The following GRIK4 variants were observed in gnomAD, a reference collection of about 807,000 sequenced individuals.
The protein encoded by GRIK4 is glutamate ionotropic receptor kainate type subunit 4.
Under a neutral mutation model 104.9 loss-of-function variants are expected in GRIK4, and 40 were observed. That is an observed-to-expected ratio of 0.38 (90% confidence interval 0.30 to 0.50). The LOEUF (loss-of-function observed/expected upper bound fraction) is 0.50. Ranked by LOEUF, GRIK4 falls within the 20% of genes least tolerant of loss-of-function variation. The pLI, the probability that GRIK4 is intolerant of heterozygous loss-of-function variation, is 0.93. For synonymous variants in GRIK4, 485 were observed against 524.9 expected (o/e 0.92, Z 1.04); for missense variants, 1,047 against 1,308.1 (o/e 0.80, Z 3.08).
chr11:120,920,369 A>T (rs900780092), intron 13 of GRIK4, among the ~76,000 whole-genome samples: 5 of 151,864 alleles, frequency 3.3e-5, no homozygotes, highest in African/African-American at 4.8e-5. Flanking sequence ...CCTCAGCCTC[A>T]CCCACCTCGG....
intron 8 of GRIK4, among the ~76,000 whole-genome samples, chr11:120,838,056 C>G (rs564727066): frequency 1.3e-5 from 2 of 152,258 alleles, no homozygotes; most frequent in Non-Finnish European, 2.9e-5. Context: ...GGACAGTCAC[C>G]GGAATGAGGT....
chr11:120,673,643 C>A (rs61902671), intron 3 of GRIK4, among the ~76,000 whole-genome samples: 23,659 of 152,216 alleles, frequency 0.16, 2,004 homozygotes, highest in South Asian at 0.23. Context: ...AAGTCTTCTC[C>A]TCAGGTCTGA....
At chr11:120,773,313 A>G (rs1045608399) in intron 3 of GRIK4, among the ~76,000 whole-genome samples, 2 of 152,264 alleles carry the variant, frequency 1.3e-5, no homozygotes, top group Admixed American at 1.3e-4. Context: ...ACAAATAATT[A>G]AAATACAGCA....
chr11:120,957,591 A>ATGTGTGTGTGTGTGTG (rs72064502), intron 16 of GRIK4, among the ~76,000 whole-genome samples: 10,911 of 136,284 alleles, frequency 0.08, 642 homozygotes, highest in Middle Eastern at 0.16. Flanking sequence ...GACAAAACAA[A>ATGTGTGTGTGTGTGTG]TGTGTGTGTG....
At chr11:120,895,579 A>C (rs1185669387) in intron 11 of GRIK4, among the ~76,000 whole-genome samples, 1 of 152,228 alleles carries the variant, frequency 6.6e-6, no homozygotes, top group African/African-American at 2.4e-5. Context: ...TGGCCTGCTT[A>C]AGTGAAGGGC....
At chr11:120,664,799 G>C (rs1944959257) in intron 3 of GRIK4, among the ~76,000 whole-genome samples, 1 of 152,206 alleles carries the variant, frequency 6.6e-6, no homozygotes, top group African/African-American at 2.4e-5. Context: ...ACAAAGTCTA[G>C]TTGAGAGATG....
chr11:120,853,638 A>C (rs1591991743), intron 8 of GRIK4, among the ~76,000 whole-genome samples: 1 of 152,266 alleles, frequency 6.6e-6, no homozygotes, highest in African/African-American at 2.4e-5. Flanking sequence ...CAGGTGGATC[A>C]TGTGACATTC....
chr11:120,721,538 C>A (rs915976208), intron 3 of GRIK4, among the ~76,000 whole-genome samples: 2 of 152,128 alleles, frequency 1.3e-5, no homozygotes, highest in African/African-American at 4.8e-5. Flanking sequence ...AAGCAAGAAC[C>A]TTTACTGTGG....
At chr11:120,781,006 T>C (rs962659410) in intron 3 of GRIK4, among the ~76,000 whole-genome samples, 3 of 152,212 alleles carry the variant, frequency 2.0e-5, no homozygotes, top group African/African-American at 4.8e-5. Context: ...CCTCCCAAAG[T>C]GCTGGGATTA....
intron 3 of GRIK4, among the ~76,000 whole-genome samples, chr11:120,668,138 G>T (rs542324611): frequency 6.7e-6 from 1 of 150,116 alleles, no homozygotes; most frequent in Admixed American, 6.6e-5. Flanking sequence ...TAGATAGATA[G>T]ATAGATAGAT....
chr11:120,614,051 G>T, intron 1 of GRIK4, among the ~76,000 whole-genome samples: 1 of 152,180 alleles, frequency 6.6e-6, no homozygotes, highest in East Asian at 1.9e-4. Flanking sequence ...CTCTGCATAT[G>T]TAAGCTCAGC....
At chr11:120,973,551 A>G (rs1944510425) in intron 19 of GRIK4, among the ~76,000 whole-genome samples, 1 of 152,234 alleles carries the variant, frequency 6.6e-6, no homozygotes, top group East Asian at 1.9e-4. Flanking sequence ...TATATTAATA[A>G]GAGGCAATGT....
chr11:120,620,941 G>A (rs189763121), intron 1 of GRIK4, among the ~76,000 whole-genome samples: 5 of 152,330 alleles, frequency 3.3e-5, no homozygotes, highest in Non-Finnish European at 7.3e-5. Context: ...TCGGAGAGCA[G>A]TTAAGTCACT....
intron 16 of GRIK4, among the ~76,000 whole-genome samples, chr11:120,958,383 C>T (rs1438852827): frequency 6.6e-6 from 1 of 152,248 alleles, no homozygotes; most frequent in Admixed American, 6.5e-5. Flanking sequence ...CGAATGCAAG[C>T]CGCCGTGACA....
chr11:120,956,456 C>T lies in GRIK4; in HGVS notation c.1701-324C>T, dbSNP rs1213999597. On this transcript the variant is annotated intron_variant, in intron 15 of 20. Coordinates refer to ENST00000527524, the MANE Select transcript of GRIK4 (RefSeq NM_014619.5). The surrounding 1 kb of genome is among the most constrained non-coding windows in gnomAD (Gnocchi z 4.6). The stretch of plus-strand genomic sequence containing the variant: ...CTGGACTCAAGCAATCCACCCGCCT[C>T]GGCCTCCCAAAGTGCTGGGATTACA... Among the ~76,000 whole-genome samples the T allele has an allele frequency of 2.0e-5, 3 of 152,086 alleles. No individual in the cohort carries two copies. Among genetic ancestry groups the T allele is most frequent in the East Asian group, 1.9e-4 (1 of 5,180 alleles).
At chr11:120,793,881 TGGA>T (rs1461036187) in intron 3 of GRIK4, among the ~76,000 whole-genome samples, 1 of 147,700 alleles carries the variant, frequency 6.8e-6, no homozygotes, top group Non-Finnish European at 1.5e-5. Context: ...AGGTGATGGT[TGGA>T]GGAGAAGAGC....
At chr11:120,640,991 C>T (rs1287422023) in intron 1 of GRIK4, among the ~76,000 whole-genome samples, 2 of 152,242 alleles carry the variant, frequency 1.3e-5, no homozygotes, top group African/African-American at 4.8e-5. Context: ...GGATTACAGG[C>T]GTGAGCCACC....
Position 120,686,226 on chromosome 11 carries a change from A to G in GRIK4, c.82+25826A>G, listed in dbSNP as rs564145645. Among the ~76,000 whole-genome samples the G allele has an allele frequency of 1.0e-3, 158 of 152,274 alleles. 1 individual carries two copies. Among genetic ancestry groups the G allele is most frequent in the Middle Eastern group, 3.4e-3 (1 of 294 alleles). On this transcript the variant is annotated intron_variant, in intron 3 of 20. Transcript: ENST00000527524. ...TTCTTCATACCTATCCTGCATTTTTAAAGTGTGACTTTACTCATACCCTGC... is the reference window on the plus strand; with the variant it reads ...TTCTTCATACCTATCCTGCATTTTTGAAGTGTGACTTTACTCATACCCTGC...
intron 11 of GRIK4, among the ~76,000 whole-genome samples, chr11:120,896,409 C>T (rs1942583216): frequency 6.6e-6 from 1 of 152,132 alleles, no homozygotes; most frequent in East Asian, 1.9e-4. Context: ...GGAACATGAA[C>T]ACACACAGAA....
Sources: gnomAD v4.1 joint callset for allele counts (sites outside exome capture counted in the v4.1 genomes callset) on GRCh38, gnomAD v4.1.1 for gene constraint, Gnocchi (gnomAD v3.1) non-coding constraint, MANE v1.5 for transcripts, NCBI Gene and HGNC (gene_info 2026-07-23, HGNC 2026-07-21) for gene names.